PRKG1: variants seen among roughly 807,000 people sequenced by gnomAD.
PRKG1 encodes cGMP-dependent protein kinase 1.
PRKG1 carries 35 observed loss-of-function variants against 88.1 expected under a neutral mutation model. The observed-to-expected ratio is 0.40, with a 90% CI of 0.30 to 0.53. The LOEUF (loss-of-function observed/expected upper bound fraction) is 0.53. Ranked by LOEUF, PRKG1 falls within the 20% of genes least tolerant of loss-of-function variation. PRKG1 has a pLI of 0.59. For missense variants in PRKG1, 540 were observed against 839.8 expected (o/e 0.64, Z 4.41); for synonymous variants, 303 against 292.5 (o/e 1.04, Z -0.37).
rs554666566 is a variant in PRKG1 at position 51,643,879 on chromosome 10, A to T, written c.593-160706A>T. ...AACAATCAATGAAACTTCCTGTCCCATCACCCAGCATCAACACCATTAACC... is the reference window on the plus strand; with the variant it reads ...AACAATCAATGAAACTTCCTGTCCCTTCACCCAGCATCAACACCATTAACC... On this transcript the variant is annotated intron_variant, in intron 3 of 17. Coordinates refer to ENST00000373980, the MANE Select transcript of PRKG1 (RefSeq NM_006258.4). 8.5e-5 allele frequency among the ~76,000 whole-genome samples: 13 copies of T among 152,290 alleles called. 1 individual carries two copies. The East Asian group carries it at 2.5e-3, about 29-fold the overall frequency.
chr10:51,972,725 G>C (rs76136713), intron 5 of PRKG1, among the ~76,000 whole-genome samples: 1 of 151,974 alleles, frequency 6.6e-6, no homozygotes. Flanking sequence ...AGTTACCCAA[G>C]GTAACTGTAG....
intron 5 of PRKG1, among the ~76,000 whole-genome samples, chr10:51,931,482 G>A (rs1842694217): frequency 6.6e-6 from 1 of 152,098 alleles, no homozygotes; most frequent in Non-Finnish European, 1.5e-5. Flanking sequence ...GAAATAAAAT[G>A]CTAAAGATGG....
At chr10:51,917,578 T>A (rs1013738607) in intron 5 of PRKG1, among the ~76,000 whole-genome samples, 60 of 152,128 alleles carry the variant, frequency 3.9e-4, no homozygotes, top group African/African-American at 1.4e-3. Context: ...TCATTTGACT[T>A]GACAGCCATG....
chr10:51,295,290 T>G (rs945370662), intron 2 of PRKG1, among the ~76,000 whole-genome samples: 1 of 152,192 alleles, frequency 6.6e-6, no homozygotes, highest in Non-Finnish European at 1.5e-5. Flanking sequence ...TCCATTTGTC[T>G]GTGTCTTTTT....
chr10:52,067,097 C>T (rs1345312905), intron 7 of PRKG1, among the ~76,000 whole-genome samples: 1 of 151,994 alleles, frequency 6.6e-6, no homozygotes, highest in Admixed American at 6.5e-5. Flanking sequence ...CACTTGTTTC[C>T]TTCTAAATAA....
At chr10:52,278,017 TA>T (rs1439156090) in intron 12 of PRKG1, among the ~76,000 whole-genome samples, 1 of 152,028 alleles carries the variant, frequency 6.6e-6, no homozygotes, top group African/African-American at 2.4e-5. Flanking sequence ...TGTAAATGAG[TA>T]AACAGGCAAC....
intron 1 of PRKG1, among the ~76,000 whole-genome samples, chr10:51,040,388 G>A (rs1261298251): frequency 3.7e-5 from 5 of 136,628 alleles, no homozygotes; most frequent in African/African-American, 1.4e-4. Flanking sequence ...GTGCAATCTC[G>A]GCTCACTACA....
intron 5 of PRKG1, among the ~76,000 whole-genome samples, chr10:52,011,446 C>T (rs901233220): frequency 1.3e-5 from 2 of 152,120 alleles, no homozygotes; most frequent in Non-Finnish European, 1.5e-5. Flanking sequence ...TTTCCAATGG[C>T]AAAATAACTT....
intron 5 of PRKG1, among the ~76,000 whole-genome samples, chr10:52,046,412 C>T (rs1272809955): frequency 6.6e-6 from 1 of 152,000 alleles, no homozygotes; most frequent in Non-Finnish European, 1.5e-5. Flanking sequence ...CACTGCCTGC[C>T]TCGGAAAAGC....
At chr10:51,228,853 T>C (rs902495760) in intron 2 of PRKG1, among the ~76,000 whole-genome samples, 1 of 152,214 alleles carries the variant, frequency 6.6e-6, no homozygotes, top group African/African-American at 2.4e-5. Context: ...AAGCCCTACG[T>C]GGCCTGGATC....
chr10:50,994,062 G>A (rs1842809179), intron 1 of PRKG1, among the ~76,000 whole-genome samples: 2 of 152,170 alleles, frequency 1.3e-5, no homozygotes, highest in Admixed American at 1.3e-4. Flanking sequence ...CTGGGAGTGA[G>A]GGTAAACTTT....
intron 2 of PRKG1, among the ~76,000 whole-genome samples, chr10:51,184,840 G>A (rs1837444034): frequency 6.6e-6 from 1 of 152,102 alleles, no homozygotes; most frequent in Non-Finnish European, 1.5e-5. Flanking sequence ...CCTCACCCAG[G>A]TCAAGAGGCT....
intron 2 of PRKG1, among the ~76,000 whole-genome samples, chr10:51,249,151 G>A (rs912950530): frequency 2.6e-5 from 4 of 151,772 alleles, no homozygotes; most frequent in Non-Finnish European, 4.4e-5. Flanking sequence ...GTTAACTTAC[G>A]TTTTAAAATC....
intron 4 of PRKG1, among the ~76,000 whole-genome samples, chr10:51,832,889 T>C (rs1019223956): frequency 6.6e-6 from 1 of 152,062 alleles, no homozygotes; most frequent in African/African-American, 2.4e-5. Context: ...GAGGAATAGG[T>C]GAAAAGTCTA....
chr10:51,199,504 T>G (rs924831554), intron 2 of PRKG1, among the ~76,000 whole-genome samples: 4 of 152,190 alleles, frequency 2.6e-5, no homozygotes, highest in African/African-American at 7.2e-5. Context: ...CGATTTCTTC[T>G]CTCTGCCTCT....
chr10:51,159,065 G>A (rs1462993732), intron 2 of PRKG1, among the ~76,000 whole-genome samples: 1 of 151,994 alleles, frequency 6.6e-6, no homozygotes, highest in Non-Finnish European at 1.5e-5. Context: ...ATTCAGGGTG[G>A]ACATGAATCA....
intron 2 of PRKG1, among the ~76,000 whole-genome samples, chr10:51,154,469 CT>C (rs1564620273): frequency 2.6e-5 from 4 of 151,964 alleles, no homozygotes; most frequent in South Asian, 4.2e-4. Flanking sequence ...TGCATTCTGC[CT>C]TCTTTACACG....
At chr10:51,009,241 ATT>A (rs1842968050) in intron 1 of PRKG1, among the ~76,000 whole-genome samples, 1 of 152,340 alleles carries the variant, frequency 6.6e-6, no homozygotes, top group South Asian at 2.1e-4. Flanking sequence ...AAATAGATAT[ATT>A]AGGATAAAGA....
At chr10:51,752,213 T>A (rs910744220) in intron 3 of PRKG1, among the ~76,000 whole-genome samples, 1 of 152,162 alleles carries the variant, frequency 6.6e-6, no homozygotes, top group African/African-American at 2.4e-5. Context: ...CATTATGCCT[T>A]TTAGTACTTG....
Sources: allele counts gnomAD v4.1 joint callset (sites outside exome capture counted in the v4.1 genomes callset), GRCh38; gene constraint gnomAD v4.1.1; transcripts MANE v1.5; gene names NCBI Gene and HGNC (gene_info 2026-07-23, HGNC 2026-07-21).